SLC22A2: variants seen among roughly 807,000 people sequenced by gnomAD.
The protein encoded by SLC22A2 is organic cation transporter 2.
Under a neutral mutation model 60.5 loss-of-function variants are expected in SLC22A2, and 46 were observed. That is an observed-to-expected ratio of 0.76 (90% confidence interval 0.60 to 0.97). The LOEUF (loss-of-function observed/expected upper bound fraction) is 0.97, where lower values mean the gene tolerates loss of function less well. Among genes scored for constraint, SLC22A2 ranks in the 50% least tolerant of loss-of-function variants. SLC22A2 has a pLI of 0.00. For synonymous variants in SLC22A2, 303 were observed against 267.0 expected, an observed-to-expected ratio of 1.13 and a Z score of -1.31; for missense variants, 701 against 706.6, an observed-to-expected ratio of 0.99 and a Z score of 0.09.
At chr6:160,221,255 T>C (rs1384310917) in intron 10 of SLC22A2, among the ~76,000 whole-genome samples, 1 of 152,244 alleles carries the variant, frequency 6.6e-6, no homozygotes, top group East Asian at 1.9e-4. Flanking sequence ...TTAAGCCTTA[T>C]GAACCAAACT....
In SLC22A2 at chr6:160,256,660, C is replaced by T. The variant is rs369855766; in HGVS notation, c.472G>A (p.Val158Ile). 3.7e-6 allele frequency: 6 copies of T among 1,614,108 alleles called. No homozygotes were observed. In the East Asian group the frequency reaches 6.7e-5, roughly 18 times the overall value. ...CTCATAGAGCCAATAAAGAATCCTACATTCACTGATGACTGGAATAGGTCC... is the reference window on the plus strand; with the variant it reads ...CTCATAGAGCCAATAAAGAATCCTATATTCACTGATGACTGGAATAGGTCC... ...MLDLFQSSVNVGFFIGSMSIG... is the reference protein window; with the variant it reads ...MLDLFQSSVNIGFFIGSMSIG... The change falls in exon 2 of 11, where the codon GTA becomes ATA. Residue 158 changes from valine to isoleucine, a missense_variant. Transcript: ENST00000366953.
At position 160,231,688 on chromosome 6, in the gene SLC22A2, T is replaced by C. The variant is rs982844058; in HGVS notation, c.1502-6884A>G. ...TATCCACCCCGAGGTGCCAAACCCA[T>C]ATACTCTCCTATCCTTAATACCTCC... is the stretch of plus-strand genomic sequence containing the variant. On this transcript the variant is annotated intron_variant, in intron 9 of 10. Coordinates refer to ENST00000366953, the MANE Select transcript of SLC22A2 (RefSeq NM_003058.4). Among the ~76,000 whole-genome samples the C allele has an allele frequency of 2.6e-5, 4 of 152,046 alleles. No individual in the cohort carries two copies. The East Asian group carries it at 5.8e-4, about 22-fold the overall frequency.
rs550242194 is a variant in SLC22A2 at position 160,258,211 on chromosome 6, G to A, written c.414+133C>T. ...CTGCATGTTCTCATTTGGAAACTAG[G>A]ATTTTGTAAGATACATGCAGGCCAA... On this transcript the variant is annotated intron_variant, in intron 1 of 10. Transcript: ENST00000366953. 1.7e-4 allele frequency: 176 copies of A among 1,053,692 alleles called. 1 individual carries two copies. Among genetic ancestry groups the A allele is most frequent in the Non-Finnish European group, 1.9e-4 (139 of 729,126 alleles). 65.3% of individuals were successfully genotyped at this position (1,053,692 alleles called of 1,614,324 possible). A position where few individuals can be genotyped will look rare whatever the true frequency, so the allele number is the denominator to read the frequency against.
rs1415191003 is a variant in SLC22A2 at position 160,247,172 on chromosome 6, G to A, written c.957+12C>T. 1.4e-6 allele frequency: 2 copies of A among 1,433,590 alleles called. No individual in the cohort carries two copies. The highest frequency in any genetic ancestry group is 2.0e-6 in the Non-Finnish European group (2 of 1,015,618). 88.8% of individuals were successfully genotyped at this position (1,433,590 alleles called of 1,614,324 possible). A position where few individuals can be genotyped will look rare whatever the true frequency, so the allele number is the denominator to read the frequency against. On this transcript the variant is annotated intron_variant, in intron 5 of 10. Coordinates refer to ENST00000366953, the MANE Select transcript of SLC22A2 (RefSeq NM_003058.4). Reference sequence around the variant, plus strand: ...TCCATCCCCTGATTTGATACTTAAGGCCCTGGCTCACCTGAAGGGAGGCGG... The same window carrying A: ...TCCATCCCCTGATTTGATACTTAAGACCCTGGCTCACCTGAAGGGAGGCGG...
chr6:160,218,152 C>A, intron 10 of SLC22A2: 1 of 224,964 alleles, frequency 4.4e-6, no homozygotes, highest in Non-Finnish European at 9.0e-6. Flanking sequence ...AGTATTGTCT[C>A]GTTTTCTGGA....
At chr6:160,243,048 G>A (rs1442492302) in intron 7 of SLC22A2, among the ~76,000 whole-genome samples, 1 of 152,052 alleles carries the variant, frequency 6.6e-6, no homozygotes, top group Non-Finnish European at 1.5e-5. Flanking sequence ...TTAAACAACT[G>A]CTAATAACAA....
At chr6:160,227,150 T>C (rs1017594452) in intron 9 of SLC22A2, among the ~76,000 whole-genome samples, 1 of 152,222 alleles carries the variant, frequency 6.6e-6, no homozygotes, top group Non-Finnish European at 1.5e-5. Flanking sequence ...GATCTTTCCC[T>C]TTCCAGACCC....
chr6:160,223,804 T>C (rs1431309041), intron 10 of SLC22A2, among the ~76,000 whole-genome samples: 1 of 152,244 alleles, frequency 6.6e-6, no homozygotes, highest in Non-Finnish European at 1.5e-5. Context: ...CTCAGCTCAC[T>C]GCAACCTCTG....
intron 10 of SLC22A2, chr6:160,218,249 T>A: frequency 5.0e-6 from 1 of 198,460 alleles, no homozygotes; most frequent in Non-Finnish European, 1.0e-5. Context: ...GATGGGGAGG[T>A]AAAATCAAGT....
At chr6:160,241,877 T>TTATA (rs10532482) in intron 8 of SLC22A2, among the ~76,000 whole-genome samples, 1 of 150,438 alleles carries the variant, frequency 6.6e-6, no homozygotes, top group South Asian at 2.1e-4. Flanking sequence ...GCACAATATT[T>TTATA]TATATATATA....
chr6:160,242,431 G>A (rs779434546), intron 7 of SLC22A2, 29 bp from the exon 8 acceptor site: 57 of 1,162,650 alleles, frequency 4.9e-5, no homozygotes, highest in Middle Eastern at 1.9e-4. Flanking sequence ...GTACTTATCC[G>A]TACACAGATG....
intron 10 of SLC22A2, among the ~76,000 whole-genome samples, chr6:160,219,507 T>C (rs1782611067): frequency 6.6e-6 from 1 of 151,504 alleles, no homozygotes; most frequent in Non-Finnish European, 1.5e-5. Context: ...GACAAATTCA[T>C]GGGCCACAAA....
At chr6:160,236,006 T>G (rs1042038760) in intron 9 of SLC22A2, among the ~76,000 whole-genome samples, 1 of 152,218 alleles carries the variant, frequency 6.6e-6, no homozygotes, top group Non-Finnish European at 1.5e-5. Context: ...TAATTATAAT[T>G]GCTATGTTAA....
intron 2 of SLC22A2, among the ~76,000 whole-genome samples, chr6:160,251,186 G>A (rs1345667222): frequency 6.6e-6 from 1 of 152,170 alleles, no homozygotes; most frequent in African/African-American, 2.4e-5. Flanking sequence ...TTTAGGCTTT[G>A]TGAAAATTGT....
chr6:160,229,125 G>C (rs764778607), intron 9 of SLC22A2, among the ~76,000 whole-genome samples: 18 of 151,800 alleles, frequency 1.2e-4, no homozygotes, highest in Non-Finnish European at 2.5e-4. Context: ...TTTGCTCTGT[G>C]AGAAAGATCC....
chr6:160,243,828 A>T, intron 6 of SLC22A2, 42 bp from the exon 7 acceptor site: 1 of 1,400,206 alleles, frequency 7.1e-7, no homozygotes, highest in Non-Finnish European at 1.0e-6. Flanking sequence ...AGCACCAAAC[A>T]CAGGGCACCA....
At chr6:160,222,876 A>G (rs1782665352) in intron 10 of SLC22A2, among the ~76,000 whole-genome samples, 1 of 152,198 alleles carries the variant, frequency 6.6e-6, no homozygotes, top group African/African-American at 2.4e-5. Flanking sequence ...GATCCTGGAA[A>G]TCCAGTTTAT....
chr6:160,228,300 C>T (rs1782759620), intron 9 of SLC22A2, among the ~76,000 whole-genome samples: 1 of 152,210 alleles, frequency 6.6e-6, no homozygotes, highest in African/African-American at 2.4e-5. Context: ...GATTAATTAA[C>T]TTTGGGTAAG....
intron 10 of SLC22A2, chr6:160,218,308 A>T (rs1782574319): frequency 1.7e-5 from 6 of 351,128 alleles, no homozygotes; most frequent in South Asian, 1.1e-4. Context: ...CAACAACTAC[A>T]GCAGCAGAAA....
Sources: allele counts gnomAD v4.1 joint callset (sites outside exome capture counted in the v4.1 genomes callset), GRCh38; gene constraint gnomAD v4.1.1; transcripts MANE v1.5; gene names NCBI Gene and HGNC (gene_info 2026-07-23, HGNC 2026-07-21).